The following NFAT5 variants were observed in gnomAD, a reference collection of about 807,000 sequenced individuals.
NFAT5 encodes nuclear factor of activated T-cells 5.
NFAT5 carries 31 observed loss-of-function variants against 166.5 expected under a neutral mutation model. That is an observed-to-expected ratio of 0.19 (90% CI 0.14 to 0.25). The LOEUF (loss-of-function observed/expected upper bound fraction) is 0.25, where lower values mean the gene tolerates loss of function less well. Among genes scored for constraint, NFAT5 ranks in the 10% least tolerant of loss-of-function variants. The pLI is 1.00. For synonymous variants in NFAT5, 612 were observed against 639.7 expected (o/e 0.96, Z 0.65); for missense variants, 1,449 against 1,821.8 (o/e 0.80, Z 3.72).
chr16:69,572,824 A>G (rs907503922), intron 2 of NFAT5, among the ~76,000 whole-genome samples: 2 of 152,128 alleles, frequency 1.3e-5, no homozygotes, highest in African/African-American at 2.4e-5. Flanking sequence ...CTGATCTGAT[A>G]TAATCTTTGT....
rs371538398 is a variant in NFAT5 at position 69,645,873 on chromosome 16, G to A, written c.254-1155G>A. Among the ~76,000 whole-genome samples the A allele has an allele frequency of 3.3e-5, 5 of 152,280 alleles. No homozygotes were observed. In the East Asian group the frequency reaches 5.8e-4, roughly 18 times the overall value. On this transcript the variant is annotated intron_variant, in intron 3 of 14. Transcript: ENST00000349945. ...ACCTTAGCGATCAACGCGCCTCTGA[G>A]TTTATGCTGTTAAGGGCTAAAGTAA... is the stretch of plus-strand genomic sequence containing the variant.
chr16:69,592,696 T>A lies in NFAT5; in HGVS notation c.127+24148T>A, dbSNP rs1432885782. On this transcript the variant is annotated intron_variant, in intron 2 of 14. Transcript: ENST00000349945. ...TTTGATTACTCCCCTCAATTCATGC[T>A]TCTGAAAAATGCATTCTAGCTAAAA... Among the ~76,000 whole-genome samples the A allele has an allele frequency of 2.0e-5, 3 of 152,238 alleles. No homozygotes were observed. In the East Asian group the frequency reaches 5.8e-4, roughly 29 times the overall value.
At chr16:69,652,958 TCCTC>T (rs1275165098) in intron 4 of NFAT5, among the ~76,000 whole-genome samples, 1 of 150,690 alleles carries the variant, frequency 6.6e-6, no homozygotes, top group Non-Finnish European at 1.5e-5. Context: ...CGCTCAATCT[TCCTC>T]CCTTCCTCCT....
rs771831496 is a variant in NFAT5 at position 69,692,436 on chromosome 16, G to A, written c.2611G>A (p.Val871Ile). ...AATGTTTTCCTCAACAGAGCCAACAGTCCATACCAGACCAGATAATTTATT... is the reference window on the plus strand; with the variant it reads ...AATGTTTTCCTCAACAGAGCCAACAATCCATACCAGACCAGATAATTTATT... ...PGMFSSTEPTVHTRPDNLLPG... is the reference protein window; with the variant it reads ...PGMFSSTEPTIHTRPDNLLPG... Residue 871 changes from valine (V) to isoleucine (I), a missense_variant, in exon 13 of 15, where the codon GTC becomes ATC. Physicochemically the swap from Val to Ile is conservative, Grantham distance 29. Around this residue, in one of 7 missense-constraint regions of NFAT5, gnomAD observed 891 missense variants for 993.0 expected, o/e 0.90. Transcript: ENST00000349945. 6.2e-7 allele frequency: 1 copy of A among 1,614,072 alleles called. No homozygotes were observed. Among genetic ancestry groups the A allele is most frequent in the African/African-American group, 1.3e-5 (1 of 74,924 alleles).
intron 10 of NFAT5, among the ~76,000 whole-genome samples, chr16:69,680,820 C>A (rs542431272): frequency 1.3e-5 from 2 of 152,004 alleles, no homozygotes; most frequent in Admixed American, 1.3e-4. Context: ...AGTACAGTGG[C>A]GTGATCTCGG....
intron 5 of NFAT5, among the ~76,000 whole-genome samples, chr16:69,655,322 C>T (rs1010491779): frequency 5.3e-5 from 8 of 152,036 alleles, no homozygotes; most frequent in African/African-American, 1.9e-4. Flanking sequence ...AAGTACTGTG[C>T]ATTCATTCTC....
intron 4 of NFAT5, chr16:69,649,631 A>G (rs185204331): frequency 1.2e-4 from 95 of 792,140 alleles, no homozygotes; most frequent in Non-Finnish European, 1.4e-4. Context: ...ATTGGAATTT[A>G]TAACAACTAT....
At chr16:69,651,350 C>G (rs1388512769) in intron 4 of NFAT5, among the ~76,000 whole-genome samples, 3 of 152,202 alleles carry the variant, frequency 2.0e-5, no homozygotes, top group Admixed American at 6.5e-5. Context: ...CTTCTTTGCT[C>G]CATTCTTTTG....
At chr16:69,687,738 T>C (rs2037367196) in intron 11 of NFAT5, among the ~76,000 whole-genome samples, 2 of 151,890 alleles carry the variant, frequency 1.3e-5, no homozygotes, top group African/African-American at 4.9e-5. Flanking sequence ...ATAGGTGATA[T>C]ATTTATTTAT....
intron 6 of NFAT5, among the ~76,000 whole-genome samples, chr16:69,658,082 C>CAA (rs537709479): frequency 8.1e-6 from 1 of 123,496 alleles, no homozygotes; most frequent in Non-Finnish European, 1.8e-5. Flanking sequence ...AGACTTGTCT[C>CAA]AAAAAAAAAA....
chr16:69,624,731 A>T (rs2034369737), intron 2 of NFAT5, among the ~76,000 whole-genome samples: 1 of 152,104 alleles, frequency 6.6e-6, no homozygotes, highest in Admixed American at 6.5e-5. Context: ...CATGGATAAA[A>T]TGTCTTATGG....
chr16:69,565,985 C>T lies in NFAT5; in HGVS notation c.-317C>T. 1 of 299,202 alleles carries T rather than the reference C, an allele frequency of 3.3e-6. No individual in the cohort carries two copies. Among genetic ancestry groups the T allele is most frequent in the Non-Finnish European group, 6.2e-6 (1 of 160,970 alleles). 18.5% of individuals were successfully genotyped at this position (299,202 alleles called of 1,614,324 possible). Reference sequence around the variant, plus strand: ...GGGCTCAGATTCCTGTCAGCGGCGGCGGCGGTGGCGGCGACCGTCAGTTTT... The same window carrying T: ...GGGCTCAGATTCCTGTCAGCGGCGGTGGCGGTGGCGGCGACCGTCAGTTTT... On this transcript the variant is annotated 5_prime_UTR_variant, in exon 1 of 15. Coordinates refer to ENST00000349945, the MANE Select transcript of NFAT5 (RefSeq NM_138713.4).
At chr16:69,684,857 A>G in intron 10 of NFAT5, 30 bp from the exon 11 acceptor site, 3 of 1,476,350 alleles carry the variant, frequency 2.0e-6, no homozygotes, top group Non-Finnish European at 2.8e-6. Flanking sequence ...GAGTAAATGT[A>G]GATAAATACA....
chr16:69,597,640 G>A (rs1276309984), intron 2 of NFAT5, among the ~76,000 whole-genome samples: 1 of 150,662 alleles, frequency 6.6e-6, no homozygotes, highest in African/African-American at 2.4e-5. Flanking sequence ...CACCCAGGCT[G>A]GAGTGCAGTG....
At chr16:69,638,116 G>A (rs2035045051) in intron 3 of NFAT5, among the ~76,000 whole-genome samples, 1 of 152,150 alleles carries the variant, frequency 6.6e-6, no homozygotes, top group Admixed American at 6.5e-5. Context: ...CTACTCTGGA[G>A]TCTGAGGCAG....
At chr16:69,621,366 C>T (rs1197537113) in intron 2 of NFAT5, among the ~76,000 whole-genome samples, 1 of 152,104 alleles carries the variant, frequency 6.6e-6, no homozygotes, top group Non-Finnish European at 1.5e-5. Flanking sequence ...GTAACCATTG[C>T]CATTTTTATC....
At chr16:69,654,505 A>C (rs554395987) in intron 5 of NFAT5, among the ~76,000 whole-genome samples, 1 of 152,330 alleles carries the variant, frequency 6.6e-6, no homozygotes, top group African/African-American at 2.4e-5. Context: ...GCAAGTGAGA[A>C]ATCTATGTTA....
intron 2 of NFAT5, among the ~76,000 whole-genome samples, chr16:69,583,227 C>T (rs2031815412): frequency 6.6e-6 from 1 of 151,788 alleles, no homozygotes; most frequent in African/African-American, 2.4e-5. Context: ...GATGGGGTCT[C>T]ATTCTGTCAC....
At chr16:69,667,212 A>G (rs1425119970) in intron 7 of NFAT5, among the ~76,000 whole-genome samples, 1 of 150,496 alleles carries the variant, frequency 6.6e-6, no homozygotes, top group Admixed American at 6.6e-5. Context: ...TGGGAGATAT[A>G]CCTAATGCTA....
Sources: allele counts gnomAD v4.1 joint callset (sites outside exome capture counted in the v4.1 genomes callset), GRCh38; gene constraint gnomAD v4.1.1; regional missense constraint gnomAD v4.1.1; transcripts MANE v1.5; gene names NCBI Gene and HGNC (gene_info 2026-07-23, HGNC 2026-07-21).